The following FHIT variants were observed in gnomAD, a reference collection of about 807,000 sequenced individuals.
The protein encoded by FHIT is bis(5'-adenosyl)-triphosphatase.
A neutral mutation model predicts 17.9 loss-of-function variants in FHIT; 19 were observed. The observed-to-expected ratio is 1.06, with a 90% confidence interval of 0.74 to 1.56. The LOEUF is 1.56. Ranked by LOEUF, FHIT falls within the 40% of genes most tolerant of loss-of-function variation. The pLI is 0.00. For missense variants in FHIT, 248 were observed against 189.2 expected, an observed-to-expected ratio of 1.31 and a Z score of -1.82; for synonymous variants, 81 against 69.7, an observed-to-expected ratio of 1.16 and a Z score of -0.81.
chr3:60,727,668 T>G (rs995042355), intron 4 of FHIT, among the ~76,000 whole-genome samples: 1 of 152,348 alleles, frequency 6.6e-6, no homozygotes, highest in South Asian at 2.1e-4. Context: ...TTTTATCAAT[T>G]AAAACTTGGA....
At chr3:59,920,317 T>C (rs572837948) in intron 8 of FHIT, among the ~76,000 whole-genome samples, 1 of 152,346 alleles carries the variant, frequency 6.6e-6, no homozygotes, top group East Asian at 1.9e-4. Context: ...GTGGATACTG[T>C]CTATACTACA....
At chr3:60,302,823 C>T (rs367689464) in intron 5 of FHIT, among the ~76,000 whole-genome samples, 2 of 152,198 alleles carry the variant, frequency 1.3e-5, no homozygotes, top group East Asian at 1.9e-4. Context: ...AATGGCTAGG[C>T]TCAAATGGGG....
At chr3:60,345,697 A>G (rs1284333634) in intron 5 of FHIT, among the ~76,000 whole-genome samples, 2 of 152,200 alleles carry the variant, frequency 1.3e-5, no homozygotes, top group East Asian at 1.9e-4. Flanking sequence ...TTTAATAGGA[A>G]CACAGTGCTA....
At chr3:60,995,871 T>A (rs996455215) in intron 3 of FHIT, among the ~76,000 whole-genome samples, 10 of 152,210 alleles carry the variant, frequency 6.6e-5, no homozygotes, top group African/African-American at 2.4e-4. Context: ...TCTGTATCTA[T>A]TGTAAGGAGT....
At chr3:60,228,654 T>A (rs549499514) in intron 5 of FHIT, among the ~76,000 whole-genome samples, 1 of 152,198 alleles carries the variant, frequency 6.6e-6, no homozygotes, top group Non-Finnish European at 1.5e-5. Context: ...ATTAGAGGAC[T>A]AAATAATGCT....
intron 3 of FHIT, among the ~76,000 whole-genome samples, chr3:60,983,936 GTAATTCACACC>G (rs1426174948): frequency 1.3e-5 from 2 of 151,994 alleles, no homozygotes; most frequent in African/African-American, 4.8e-5. Context: ...AAAAAAAATT[GTAATTCACACC>G]TGAAATGATA....
chr3:59,768,720 A>G (rs1575463266), intron 8 of FHIT, among the ~76,000 whole-genome samples: 1 of 152,256 alleles, frequency 6.6e-6, no homozygotes, highest in African/African-American at 2.4e-5. Flanking sequence ...TTGCCCAGAT[A>G]AACTTATCAC....
chr3:60,957,015 T>C (rs1480412146), intron 3 of FHIT, among the ~76,000 whole-genome samples: 1 of 152,054 alleles, frequency 6.6e-6, no homozygotes, highest in African/African-American at 2.4e-5. Flanking sequence ...CAACAAAGCC[T>C]GGATTATGCA....
At chr3:59,831,050 T>C (rs1701147079) in intron 8 of FHIT, among the ~76,000 whole-genome samples, 1 of 152,148 alleles carries the variant, frequency 6.6e-6, no homozygotes, top group Non-Finnish European at 1.5e-5. Context: ...ATGTTACCAG[T>C]GTGGGCTCAG....
At chr3:60,889,395 A>G (rs1553760083) in intron 3 of FHIT, among the ~76,000 whole-genome samples, 2 of 152,214 alleles carry the variant, frequency 1.3e-5, no homozygotes, top group Non-Finnish European at 1.5e-5. Flanking sequence ...CTGAGAATTA[A>G]AAGAAAATTT....
At chr3:60,692,062 G>T (rs766211929) in intron 4 of FHIT, among the ~76,000 whole-genome samples, 13 of 152,132 alleles carry the variant, frequency 8.5e-5, no homozygotes, top group Non-Finnish European at 1.6e-4. Context: ...TGACATGTTG[G>T]TTTACAAAAC....
At chr3:60,185,824 C>T (rs762879461) in intron 5 of FHIT, among the ~76,000 whole-genome samples, 2 of 152,126 alleles carry the variant, frequency 1.3e-5, no homozygotes, top group Non-Finnish European at 2.9e-5. Context: ...CTACATCCTC[C>T]CTATTAATGG....
At chr3:61,107,013 C>T (rs891088471) in intron 2 of FHIT, among the ~76,000 whole-genome samples, 1 of 152,066 alleles carries the variant, frequency 6.6e-6, no homozygotes, top group African/African-American at 2.4e-5. Context: ...TAGTGCTTTT[C>T]AAGAAAATAA....
At chr3:61,046,269 A>G (rs914314215) in intron 2 of FHIT, among the ~76,000 whole-genome samples, 1 of 152,166 alleles carries the variant, frequency 6.6e-6, no homozygotes, top group African/African-American at 2.4e-5. Flanking sequence ...GAAAAGAGAG[A>G]AGAATCAAAT....
chr3:59,919,803 A>T (rs1705315903), intron 8 of FHIT, among the ~76,000 whole-genome samples: 1 of 152,224 alleles, frequency 6.6e-6, no homozygotes, highest in Non-Finnish European at 1.5e-5. Flanking sequence ...TGCTCCCATC[A>T]ATATAAAGAA....
chr3:60,324,573 G>GGAAAAAAAAAAAAAAAAAAA lies in FHIT; in HGVS notation c.103+212286_103+212287insTTTTTTTTTTTTTTTTTTTC, dbSNP rs757433390. On this transcript the variant is annotated intron_variant, in intron 5 of 9. Coordinates refer to ENST00000492590, the MANE Select transcript of FHIT (RefSeq NM_002012.4). ...TGGGTGACAGAGCGAGACTCCATCAGAAAAAAAAAAAAAAGAATTCCAGTT... is the reference window on the plus strand; with the variant it reads ...TGGGTGACAGAGCGAGACTCCATCAGGAAAAAAAAAAAAAAAAAAAAAAAAAAAAAAAAAGAATTCCAGTT... Among the ~76,000 whole-genome samples, 8 of 128,860 alleles carry GGAAAAAAAAAAAAAAAAAAA rather than the reference G, an allele frequency of 6.2e-5. 1 individual carries two copies. The highest frequency in any genetic ancestry group is 2.4e-4 in the African/African-American group (8 of 33,828). The allele number at this position is 128,860 out of a possible 152,430, so 84.5% of individuals were successfully genotyped here.
chr3:61,078,784 T>C (rs1467823375), intron 2 of FHIT, among the ~76,000 whole-genome samples: 1 of 152,172 alleles, frequency 6.6e-6, no homozygotes, highest in Admixed American at 6.6e-5. Flanking sequence ...CTGAACAATA[T>C]TAATAATTCA....
At chr3:60,207,900 T>A (rs1012098361) in intron 5 of FHIT, among the ~76,000 whole-genome samples, 2 of 152,204 alleles carry the variant, frequency 1.3e-5, no homozygotes, top group African/African-American at 4.8e-5. Flanking sequence ...ATTTTCTTCA[T>A]GCAATTTGGA....
At chr3:60,541,377 T>C (rs1237037754) in intron 4 of FHIT, among the ~76,000 whole-genome samples, 4 of 152,204 alleles carry the variant, frequency 2.6e-5, no homozygotes, top group Non-Finnish European at 4.4e-5. Flanking sequence ...ACAAACAGCA[T>C]TGATTCAAGT....
Sources: allele counts gnomAD v4.1 joint callset (sites outside exome capture counted in the v4.1 genomes callset), GRCh38; gene constraint gnomAD v4.1.1; transcripts MANE v1.5; gene names NCBI Gene and HGNC (gene_info 2026-07-23, HGNC 2026-07-21).